PRH1: variants seen among roughly 807,000 people sequenced by gnomAD.
PRH1 encodes the protein proline rich protein HaeIII subfamily 1, also known as salivary acidic proline-rich phosphoprotein 1/2.
PRH1 carries 7 observed loss-of-function variants against 7.9 expected under a neutral mutation model. The ratio of observed to expected loss-of-function variants is 0.89; its 90% CI spans 0.50 to 1.67. The LOEUF (loss-of-function observed/expected upper bound fraction) is 1.67. Among genes scored for constraint, PRH1 ranks in the 40% most tolerant of loss-of-function variants. The probability of loss-of-function intolerance (pLI) is 0.00; values close to 1 mark genes in which losing one functional copy is unlikely to be tolerated. For synonymous variants in PRH1, 45 were observed against 80.8 expected (o/e 0.56, Z 2.38); for missense variants, 109 against 223.6 (o/e 0.49, Z 3.27).
At chr12:11,119,230 G>A (rs1210097245), downstream of PRH1, among the ~76,000 whole-genome samples, 2 of 151,934 alleles carry the variant, frequency 1.3e-5, no homozygotes, top group Admixed American at 6.6e-5. Flanking sequence ...AATTGAACTC[G>A]TGGACATAGA....
chr12:11,059,863 C>T (rs1489890870), intron 1 of PRH1, among the ~76,000 whole-genome samples: 2 of 152,134 alleles, frequency 1.3e-5, no homozygotes, highest in Non-Finnish European at 2.9e-5. Context: ...TTTATCCACC[C>T]ATTTATTTGT....
intron 1 of PRH1, among the ~76,000 whole-genome samples, chr12:11,086,102 A>T (rs1440821248): frequency 0.45 from 25,830 of 57,352 alleles, 3,109 homozygotes; most frequent in Non-Finnish European, 0.52. Flanking sequence ...ACATAAACAC[A>T]TTCCCCCCCC....
At chr12:11,044,629 G>A (rs1942840968) in intron 1 of PRH1, among the ~76,000 whole-genome samples, 1 of 151,914 alleles carries the variant, frequency 6.6e-6, no homozygotes, top group South Asian at 2.1e-4. Context: ...TCAAACAATG[G>A]GTGAAAGATT....
chr12:10,993,072 C>T (rs1311821905), intron 1 of PRH1, among the ~76,000 whole-genome samples: 1 of 152,152 alleles, frequency 6.6e-6, no homozygotes. Flanking sequence ...TGGCTTCTGC[C>T]AAAGCCAGAT....
rs73047112 is a variant in PRH1, at chr12:11,015,348, C to T, written c.-126+31672G>A. Among the ~76,000 whole-genome samples, 1,161 of 152,368 alleles carry T rather than the reference C, an allele frequency of 7.6e-3. 1 individual carries two copies. The highest frequency in any genetic ancestry group is 0.011 in the Non-Finnish European group (763 of 68,028). ...AAAGGTCTAACACTGCACTTGACCT[C>T]CAAAATGCCCACTGTGGTCTCTTCC... is the stretch of plus-strand genomic sequence containing the variant. On this transcript the variant is annotated intron_variant, in intron 1 of 3. Transcript: ENST00000539853.
intron 2 of PRH1, among the ~76,000 whole-genome samples, chr12:10,933,486 T>G (rs1376098631): frequency 6.6e-6 from 1 of 151,988 alleles, no homozygotes; most frequent in Admixed American, 6.6e-5. Context: ...AATCTCACTT[T>G]AAATAATTTA....
At chr12:10,965,561 T>C (rs911247803) in intron 2 of PRH1, among the ~76,000 whole-genome samples, 1 of 152,242 alleles carries the variant, frequency 6.6e-6, no homozygotes, top group African/African-American at 2.4e-5. Flanking sequence ...GAAAACATTC[T>C]AATTTTCAAA....
intron 1 of PRH1, among the ~76,000 whole-genome samples, chr12:11,072,250 G>C (rs1425489979): frequency 6.6e-5 from 10 of 152,056 alleles, no homozygotes; most frequent in African/African-American, 2.4e-4. Flanking sequence ...GCCTACCAAA[G>C]TTCCGGGATT....
intron 2 of PRH1, among the ~76,000 whole-genome samples, chr12:10,943,750 G>A (rs1467893220): frequency 6.6e-6 from 1 of 152,006 alleles, no homozygotes; most frequent in Non-Finnish European, 1.5e-5. Flanking sequence ...TTTTTTATAT[G>A]GTACAGGGAA....
chr12:11,019,439 T>C (rs7315987), intron 1 of PRH1, among the ~76,000 whole-genome samples: 3,642 of 152,336 alleles, frequency 0.024, 142 homozygotes, highest in African/African-American at 0.082. Flanking sequence ...AACTCAGACA[T>C]TGGCTCTAGT....
At chr12:10,988,710 T>C (rs1197427099) in intron 1 of PRH1, among the ~76,000 whole-genome samples, 1 of 152,070 alleles carries the variant, frequency 6.6e-6, no homozygotes, top group Non-Finnish European at 1.5e-5. Flanking sequence ...ACATTGCAAA[T>C]AGCCTAGGTC....
chr12:11,017,163 A>G (rs1231472349), intron 1 of PRH1, among the ~76,000 whole-genome samples: 4 of 152,296 alleles, frequency 2.6e-5, no homozygotes, highest in African/African-American at 9.6e-5. Context: ...GGGTCAGCAG[A>G]TTAAAACAAT....
At position 10,963,947 on chromosome 12, in the gene PRH1, C is replaced by T. The variant is rs528030971; in HGVS notation, c.-59+9708G>A. Among the ~76,000 whole-genome samples, 16 of 152,162 alleles carry T rather than the reference C, an allele frequency of 1.1e-4. No individual in the cohort carries two copies. The South Asian group carries it at 3.3e-3, about 31-fold the overall frequency. On this transcript the variant is annotated intron_variant, in intron 2 of 3. Coordinates refer to the PRH1 transcript ENST00000539853. ...CATTATTGATTTAGATTAGAATGCGCATACCATCCAAAAAACTAGACGTTC... is the reference window on the plus strand; with the variant it reads ...CATTATTGATTTAGATTAGAATGCGTATACCATCCAAAAAACTAGACGTTC...
intron 1 of PRH1, among the ~76,000 whole-genome samples, chr12:11,151,549 G>A (rs1172269840): frequency 1.3e-5 from 2 of 152,136 alleles, no homozygotes; most frequent in African/African-American, 4.8e-5. Context: ...AGCTAAATAT[G>A]TCTTGTATTT....
intron 1 of PRH1, among the ~76,000 whole-genome samples, chr12:10,883,700 C>G (rs1949445248): frequency 6.6e-6 from 1 of 152,178 alleles, no homozygotes; most frequent in Non-Finnish European, 1.5e-5. Context: ...TTCTCTAACT[C>G]TATGTAGACA....
chr12:11,023,737 C>T (rs1454894999), intron 1 of PRH1, among the ~76,000 whole-genome samples: 1 of 152,202 alleles, frequency 6.6e-6, no homozygotes, highest in East Asian at 1.9e-4. Flanking sequence ...AGTCAGAATG[C>T]CACTGCCTTA....
chr12:10,926,904 A>T (rs143051591), intron 2 of PRH1, among the ~76,000 whole-genome samples: 83 of 152,252 alleles, frequency 5.5e-4, no homozygotes, highest in Admixed American at 1.9e-3. Context: ...TCCATAGTAG[A>T]AGGGAATTGT....
At chr12:11,145,942 G>T (rs1396597525) in intron 1 of PRH1, among the ~76,000 whole-genome samples, 1 of 151,936 alleles carries the variant, frequency 6.6e-6, no homozygotes, top group African/African-American at 2.4e-5. Context: ...AACTGTTTTT[G>T]CATATCTGTA....
At chr12:10,913,497 T>C (rs1231286540) in intron 2 of PRH1, among the ~76,000 whole-genome samples, 1 of 152,174 alleles carries the variant, frequency 6.6e-6, no homozygotes, top group Non-Finnish European at 1.5e-5. Flanking sequence ...ATGATTACAT[T>C]AGCTTATTTT....
Sources: allele counts gnomAD v4.1 joint callset (sites outside exome capture counted in the v4.1 genomes callset), GRCh38; gene constraint gnomAD v4.1.1; transcripts MANE v1.5; gene names NCBI Gene and HGNC (gene_info 2026-07-23, HGNC 2026-07-21).